The following STMN2 variants were observed in gnomAD, a reference collection of about 807,000 sequenced individuals.
The protein encoded by STMN2 is stathmin-2.
Under a neutral mutation model 24.1 loss-of-function variants are expected in STMN2, and 2 were observed. The ratio of observed to expected loss-of-function variants is 0.08; its 90% CI spans 0.03 to 0.26. STMN2 has a LOEUF of 0.26. Among genes scored for constraint, STMN2 ranks in the 10% least tolerant of loss-of-function variants. The pLI, the probability that STMN2 is intolerant of heterozygous loss-of-function variation, is 1.00. For missense variants in STMN2, 114 were observed against 213.6 expected (o/e 0.53, Z 2.91); for synonymous variants, 83 against 77.5 (o/e 1.07, Z -0.37).
chr8:79,618,510 A>T (rs1249706715), intron 1 of STMN2, among the ~76,000 whole-genome samples: 1 of 152,224 alleles, frequency 6.6e-6, no homozygotes, highest in African/African-American at 2.4e-5. Context: ...ACACATTCAC[A>T]TTTAATATAA....
Position 79,666,092 on chromosome 8 carries a change from T to C in STMN2, c.*1218T>C, listed in dbSNP as rs1344034951. 1.3e-5 allele frequency: 2 copies of C among 152,240 alleles called. No individual in the cohort carries two copies. Among genetic ancestry groups the C allele is most frequent in the South Asian group, 4.1e-4 (2 of 4,828 alleles). The allele number at this position is 152,240 out of a possible 1,614,324, so 9.4% of individuals were successfully genotyped here. On this transcript the variant is annotated 3_prime_UTR_variant, in exon 5 of 5. Transcript: ENST00000220876. The stretch of plus-strand genomic sequence containing the variant: ...TGCCTGCATATTTACTCTTCATTAG[T>C]GCTATTTTCCTGTATGTCATTGTGA...
intron 3 of STMN2, among the ~76,000 whole-genome samples, chr8:79,649,360 C>T (rs1810285081): frequency 6.6e-6 from 1 of 152,076 alleles, no homozygotes; most frequent in Non-Finnish European, 1.5e-5. Context: ...AAACCCATTA[C>T]ACACTTTAGC....
At chr8:79,640,833 T>C (rs2029818) in intron 2 of STMN2, among the ~76,000 whole-genome samples, 69,008 of 152,082 alleles carry the variant, frequency 0.45, 16,365 homozygotes, top group Middle Eastern at 0.54. Flanking sequence ...GGGAGTTACA[T>C]TGGTTCTAAC....
intron 1 of STMN2, among the ~76,000 whole-genome samples, chr8:79,631,173 G>C (rs778863506): frequency 1.8e-4 from 28 of 152,146 alleles, no homozygotes; most frequent in Non-Finnish European, 3.8e-4. Context: ...TTACAATTTT[G>C]ATCACAAGGA....
intron 3 of STMN2, among the ~76,000 whole-genome samples, chr8:79,646,806 A>G (rs936579593): frequency 6.6e-6 from 1 of 152,184 alleles, no homozygotes; most frequent in Non-Finnish European, 1.5e-5. Flanking sequence ...AGATGACTAG[A>G]AAAATAAATA....
intron 4 of STMN2, among the ~76,000 whole-genome samples, chr8:79,661,014 G>A (rs568261208): frequency 3.9e-5 from 6 of 152,214 alleles, no homozygotes; most frequent in South Asian, 4.1e-4. Flanking sequence ...ATTACATGGT[G>A]TATATATACC....
intron 3 of STMN2, among the ~76,000 whole-genome samples, chr8:79,651,137 C>T (rs1407688400): frequency 6.6e-6 from 1 of 152,138 alleles, no homozygotes; most frequent in African/African-American, 2.4e-5. Flanking sequence ...GTGGATATAA[C>T]ATTCCCTTCC....
chr8:79,647,682 A>G (rs1810247151), intron 3 of STMN2, among the ~76,000 whole-genome samples: 1 of 152,212 alleles, frequency 6.6e-6, no homozygotes, highest in Admixed American at 6.5e-5. Context: ...CAGTGATTAG[A>G]TAATAGAAGA....
intron 1 of STMN2, among the ~76,000 whole-genome samples, chr8:79,616,898 C>T (rs191086701): frequency 6.6e-6 from 1 of 151,494 alleles, no homozygotes; most frequent in Admixed American, 6.6e-5. Flanking sequence ...TGCGTGTGTG[C>T]GAGAGAGAGA....
chr8:79,659,955 G>A (rs563119753), intron 4 of STMN2, among the ~76,000 whole-genome samples: 7 of 152,172 alleles, frequency 4.6e-5, no homozygotes, highest in Non-Finnish European at 7.4e-5. Context: ...ACTTTCTCAC[G>A]TATTTCCAAA....
chr8:79,613,954 A>G (rs1172539964), intron 1 of STMN2, among the ~76,000 whole-genome samples: 1 of 152,230 alleles, frequency 6.6e-6, no homozygotes, highest in Non-Finnish European at 1.5e-5. Context: ...ATACACATAT[A>G]TAATTGAGAT....
At chr8:79,645,756 C>T (rs1450045154) in intron 3 of STMN2, among the ~76,000 whole-genome samples, 1 of 152,112 alleles carries the variant, frequency 6.6e-6, no homozygotes, top group African/African-American at 2.4e-5. Flanking sequence ...TATTTCAGTT[C>T]CTCACTGTGG....
intron 1 of STMN2, among the ~76,000 whole-genome samples, chr8:79,624,258 TC>T (rs1809590395): frequency 6.6e-6 from 1 of 151,626 alleles, no homozygotes; most frequent in South Asian, 2.1e-4. Flanking sequence ...ATCGAGACCA[TC>T]CTGGCTAACA....
At chr8:79,632,330 A>G (rs1324822144) in intron 1 of STMN2, among the ~76,000 whole-genome samples, 2 of 152,212 alleles carry the variant, frequency 1.3e-5, no homozygotes. Flanking sequence ...CCTGCATTCT[A>G]TAGCATCTGA....
intron 1 of STMN2, among the ~76,000 whole-genome samples, chr8:79,614,769 AGT>A (rs1809344028): frequency 1.3e-5 from 2 of 152,228 alleles, no homozygotes; most frequent in South Asian, 4.1e-4. Context: ...AAGAGAAATG[AGT>A]GTTTTTATTG....
intron 3 of STMN2, among the ~76,000 whole-genome samples, chr8:79,645,179 A>G (rs1810193036): frequency 6.6e-6 from 1 of 152,138 alleles, no homozygotes. Flanking sequence ...AAGAAATGTA[A>G]TGGGAGCCAT....
chr8:79,662,003 TA>T (rs747154659), intron 4 of STMN2, among the ~76,000 whole-genome samples: 24 of 152,114 alleles, frequency 1.6e-4, no homozygotes, highest in Non-Finnish European at 2.5e-4. Flanking sequence ...TCCTAGGTCA[TA>T]TAGTCCAAGT....
chr8:79,623,782 T>TA (rs557244487), intron 1 of STMN2, among the ~76,000 whole-genome samples: 146 of 148,046 alleles, frequency 9.9e-4, no homozygotes, highest in East Asian at 2.7e-3. Context: ...TCAGCTTATT[T>TA]AAAAAAAAAA....
intron 1 of STMN2, among the ~76,000 whole-genome samples, chr8:79,612,011 C>A (rs537173105): frequency 1.3e-5 from 2 of 152,148 alleles, no homozygotes; most frequent in South Asian, 2.1e-4. Context: ...GGGGGAGGCA[C>A]CTGCAGCGCT....
Sources: gnomAD v4.1 joint callset for allele counts (sites outside exome capture counted in the v4.1 genomes callset) on GRCh38, gnomAD v4.1.1 for gene constraint, MANE v1.5 for transcripts, NCBI Gene and HGNC (gene_info 2026-07-23, HGNC 2026-07-21) for gene names.